Variants in SLC35F1 observed in about 807,000 individuals in gnomAD.
SLC35F1 encodes solute carrier family 35 member F1.
A neutral mutation model predicts 48.7 loss-of-function variants in SLC35F1; 14 were observed. That is an observed-to-expected ratio of 0.29 (90% confidence interval 0.19 to 0.45). The LOEUF is 0.45. Ranked by LOEUF, SLC35F1 falls within the 20% of genes least tolerant of loss-of-function variation. The probability of loss-of-function intolerance (pLI) is 1.00; values close to 1 mark genes in which losing one functional copy is unlikely to be tolerated. For missense variants in SLC35F1, 404 were observed against 500.0 expected, an observed-to-expected ratio of 0.81 and a Z score of 1.83; for synonymous variants, 190 against 202.2, an observed-to-expected ratio of 0.94 and a Z score of 0.51.
At chr6:118,196,957 C>T (rs1562322185) in intron 2 of SLC35F1, among the ~76,000 whole-genome samples, 1 of 151,582 alleles carries the variant, frequency 6.6e-6, no homozygotes, top group East Asian at 1.9e-4. Flanking sequence ...TGTCTTTTCC[C>T]CCATTGTGTC....
chr6:118,192,399 T>G (rs1419067979), intron 2 of SLC35F1, among the ~76,000 whole-genome samples: 2 of 152,126 alleles, frequency 1.3e-5, no homozygotes, highest in African/African-American at 4.8e-5. Context: ...GATTTTAAAG[T>G]TATTAGAAAC....
chr6:118,055,651 A>T (rs908447013), intron 1 of SLC35F1, among the ~76,000 whole-genome samples: 1 of 152,176 alleles, frequency 6.6e-6, no homozygotes, highest in African/African-American at 2.4e-5. Flanking sequence ...TGTTAACCAG[A>T]TGAGAGCCCC....
rs576443846 is a variant in SLC35F1, at chr6:117,939,008, CT to C, written c.173+31126del. 9.3e-3 allele frequency among the ~76,000 whole-genome samples: 1,224 copies of C among 132,042 alleles called. 18 individuals are homozygous for C. Among genetic ancestry groups the C allele is most frequent in the African/African-American group, 0.031 (1,118 of 35,910 alleles). The allele number at this position is 132,042 out of a possible 152,430, so 86.6% of individuals were successfully genotyped here. A position where few individuals can be genotyped will look rare whatever the true frequency, so the allele number is the denominator to read the frequency against. On this transcript the variant is annotated intron_variant, in intron 1 of 7. Transcript: ENST00000360388. ...GCCTGTATGTGCTTGAATTCTTGTT[CT>C]TTTTTTTTTTTTTTTTCCGGAGACA...
At chr6:118,256,205 G>GGGGT (rs1429180576) in intron 3 of SLC35F1, among the ~76,000 whole-genome samples, 6 of 143,218 alleles carry the variant, frequency 4.2e-5, no homozygotes, top group South Asian at 2.3e-4. Flanking sequence ...GAAGACTTCT[G>GGGGT]GTGTGTGTGT....
intron 2 of SLC35F1, among the ~76,000 whole-genome samples, chr6:118,204,643 T>A (rs909917091): frequency 2.0e-5 from 3 of 152,198 alleles, no homozygotes; most frequent in African/African-American, 7.2e-5. Context: ...AGAGTTTTTC[T>A]TTCTTTCTCT....
At chr6:118,081,968 A>G (rs1199751000) in intron 1 of SLC35F1, among the ~76,000 whole-genome samples, 2 of 152,226 alleles carry the variant, frequency 1.3e-5, no homozygotes, top group African/African-American at 4.8e-5. Flanking sequence ...CCAAGGAATG[A>G]AAATTTCCGT....
At chr6:118,300,526 T>G (rs934676424) in intron 7 of SLC35F1, among the ~76,000 whole-genome samples, 9 of 152,220 alleles carry the variant, frequency 5.9e-5, no homozygotes, top group African/African-American at 1.4e-4. Context: ...AAAGTTATTT[T>G]CAGTTTGAAA....
At chr6:118,216,265 A>G (rs1274970621) in intron 2 of SLC35F1, among the ~76,000 whole-genome samples, 2 of 151,182 alleles carry the variant, frequency 1.3e-5, no homozygotes, top group African/African-American at 4.9e-5. Context: ...TAATTTTTGT[A>G]GAGACAAAAT....
intron 2 of SLC35F1, among the ~76,000 whole-genome samples, chr6:118,168,791 CTT>C (rs1202247171): frequency 1.3e-5 from 2 of 152,166 alleles, no homozygotes; most frequent in African/African-American, 2.4e-5. Flanking sequence ...AATTTAAACT[CTT>C]TTGAAATTTC....
intron 2 of SLC35F1, among the ~76,000 whole-genome samples, chr6:118,223,239 C>A (rs910021519): frequency 6.6e-6 from 1 of 152,104 alleles, no homozygotes; most frequent in African/African-American, 2.4e-5. Context: ...CCAGGAGAGA[C>A]CTCGGAAAAA....
Position 117,907,670 on chromosome 6 carries a change from G to T in SLC35F1, c.-57G>T. Reference sequence around the variant, plus strand: ...TCTGCGCGTTCCCGGGCCCGGAACCGGCACACGATGCACCCGGCTGCGTTC... The same window carrying T: ...TCTGCGCGTTCCCGGGCCCGGAACCTGCACACGATGCACCCGGCTGCGTTC... On this transcript the variant is annotated 5_prime_UTR_variant, in exon 1 of 8. Transcript: ENST00000360388. The T allele has an allele frequency of 9.0e-7, 1 of 1,110,414 alleles. No homozygotes were observed. Among genetic ancestry groups the T allele is most frequent in the South Asian group, 1.7e-5 (1 of 58,800 alleles). 68.8% of individuals were successfully genotyped at this position (1,110,414 alleles called of 1,614,324 possible). A position where few individuals can be genotyped will look rare whatever the true frequency, so the allele number is the denominator to read the frequency against.
chr6:117,953,292 G>A (rs997846613), intron 1 of SLC35F1, among the ~76,000 whole-genome samples: 1 of 151,918 alleles, frequency 6.6e-6, no homozygotes, highest in African/African-American at 2.4e-5. Flanking sequence ...ACTTTCTTGT[G>A]GTTATATGTT....
chr6:118,307,349 G>C (rs894713193), intron 7 of SLC35F1, among the ~76,000 whole-genome samples: 91 of 152,258 alleles, frequency 6.0e-4, no homozygotes, highest in Middle Eastern at 3.4e-3. Context: ...TTTGTCAGTA[G>C]ATTCTGTAGC....
intron 2 of SLC35F1, among the ~76,000 whole-genome samples, chr6:118,186,363 C>G (rs1057498118): frequency 6.6e-6 from 1 of 151,232 alleles, no homozygotes; most frequent in African/African-American, 2.4e-5. Flanking sequence ...AGCGCCCCCA[C>G]CCCCACACCC....
intron 1 of SLC35F1, among the ~76,000 whole-genome samples, chr6:117,944,836 C>T (rs1471140943): frequency 6.6e-6 from 1 of 152,100 alleles, no homozygotes; most frequent in East Asian, 1.9e-4. Context: ...AGCCATTCTT[C>T]TTTTAGTTTC....
At chr6:118,196,740 T>C (rs1460240817) in intron 2 of SLC35F1, among the ~76,000 whole-genome samples, 1 of 151,904 alleles carries the variant, frequency 6.6e-6, no homozygotes, top group Non-Finnish European at 1.5e-5. Flanking sequence ...ATAAATTAAA[T>C]AAATAAATAA....
chr6:118,253,384 T>C (rs1387520092), intron 3 of SLC35F1, among the ~76,000 whole-genome samples: 5 of 152,148 alleles, frequency 3.3e-5, no homozygotes, highest in African/African-American at 4.8e-5. Context: ...GGAATGTTTT[T>C]GATCCATTTT....
intron 3 of SLC35F1, among the ~76,000 whole-genome samples, chr6:118,262,848 A>G (rs1320907974): frequency 6.6e-6 from 1 of 152,124 alleles, no homozygotes; most frequent in Non-Finnish European, 1.5e-5. Context: ...GCAGTTTGGG[A>G]GACTGAGGCA....
rs77516132 is a variant in SLC35F1, at chr6:118,066,808, C to T, written c.174-87637C>T. ...TCACCCAGGCTGGAATGCAATGGCG[C>T]GATCTCGGCTAAGGCAGTAGTTCTT... On this transcript the variant is annotated intron_variant, in intron 1 of 7. Coordinates refer to ENST00000360388, the MANE Select transcript of SLC35F1 (RefSeq NM_001029858.4). Among the ~76,000 whole-genome samples, 1,387 of 148,032 alleles carry T rather than the reference C, an allele frequency of 9.4e-3. 25 individuals carry two copies. Among genetic ancestry groups the T allele is most frequent in the African/African-American group, 0.033 (1,326 of 40,124 alleles).
Sources: gnomAD v4.1 joint callset for allele counts (sites outside exome capture counted in the v4.1 genomes callset) on GRCh38, gnomAD v4.1.1 for gene constraint, MANE v1.5 for transcripts, NCBI Gene and HGNC (gene_info 2026-07-23, HGNC 2026-07-21) for gene names.